The following RILPL2 variants were observed in gnomAD, a reference collection of about 807,000 sequenced individuals.
RILPL2 encodes Rab interacting lysosomal protein like 2.
In RILPL2, 19 loss-of-function variants were observed where a neutral mutation model predicts 22.2. The observed-to-expected ratio is 0.86, with a 90% CI of 0.60 to 1.25. The LOEUF is 1.25. Ranked by LOEUF, RILPL2 falls within the 50% of genes most tolerant of loss-of-function variation. The probability of loss-of-function intolerance (pLI) is 0.00; values close to 1 mark genes in which losing one functional copy is unlikely to be tolerated. For missense variants in RILPL2, 243 were observed against 263.6 expected (o/e 0.92, Z 0.54); for synonymous variants, 123 against 111.6 (o/e 1.10, Z -0.64).
chr12:123,432,873 C>G (rs1361291696), intron 1 of RILPL2, among the ~76,000 whole-genome samples: 1 of 152,130 alleles, frequency 6.6e-6, no homozygotes. Flanking sequence ...TGTCACTTGA[C>G]AGACACTAAA....
Position 123,430,071 on chromosome 12 carries a change from G to T in RILPL2, c.491+437C>A, listed in dbSNP as rs185020298. On this transcript the variant is annotated intron_variant, in intron 2 of 3. Coordinates refer to ENST00000280571, the MANE Select transcript of RILPL2 (RefSeq NM_145058.3). Reference sequence around the variant, plus strand: ...ACAGAGGTTGCAGTGAGCCAAGATCGCACCACTGGGCGACAGGGTGAGACC... The same window carrying T: ...ACAGAGGTTGCAGTGAGCCAAGATCTCACCACTGGGCGACAGGGTGAGACC... 1.9e-3 allele frequency among the ~76,000 whole-genome samples: 222 copies of T among 116,692 alleles called. 1 individual carries two copies. The highest frequency in any genetic ancestry group is 7.1e-3 in the African/African-American group (214 of 30,212). 76.6% of individuals were successfully genotyped at this position (116,692 alleles called of 152,430 possible).
chr12:123,413,584 G>A (rs1211072578), downstream of RILPL2: 3 of 152,242 alleles, frequency 2.0e-5, no homozygotes, highest in African/African-American at 4.8e-5. Context: ...TGGACCCAAA[G>A]AGTAAGCAGT....
chr12:123,409,814 C>T, the RILPL2 span, among the ~76,000 whole-genome samples: 2 of 147,042 alleles, frequency 1.4e-5, no homozygotes, highest in African/African-American at 5.1e-5. Flanking sequence ...GCAACCTCTA[C>T]CTCCCAGGTT....
chr12:123,421,057 T>G (rs1455788059), intron 3 of RILPL2, among the ~76,000 whole-genome samples: 1 of 151,846 alleles, frequency 6.6e-6, no homozygotes, highest in Non-Finnish European at 1.5e-5. Context: ...TTTTTTTTTT[T>G]TTTGAGACAG....
intron 1 of RILPL2, 100 bp downstream of exon 1, chr12:123,435,982 A>G: frequency 7.0e-7 from 1 of 1,435,050 alleles, no homozygotes; most frequent in Non-Finnish European, 9.2e-7. Flanking sequence ...AAAAAAGAGA[A>G]AAGAGAAGAG....
chr12:123,423,753 C>A (rs1403342557), intron 2 of RILPL2, among the ~76,000 whole-genome samples: 7 of 151,586 alleles, frequency 4.6e-5, no homozygotes, highest in Non-Finnish European at 8.8e-5. Flanking sequence ...TCCCAGGTTC[C>A]CGCCATTCTC....
chr12:123,433,477 C>T (rs1039734448), intron 1 of RILPL2, among the ~76,000 whole-genome samples: 6 of 147,290 alleles, frequency 4.1e-5, no homozygotes, highest in African/African-American at 1.0e-4. Context: ...TGCAGTGGCA[C>T]GATCTTGGCT....
chr12:123,432,292 G>A (rs887143728), intron 1 of RILPL2, among the ~76,000 whole-genome samples: 9 of 152,180 alleles, frequency 5.9e-5, no homozygotes, highest in African/African-American at 2.2e-4. Context: ...GATCGTTTGA[G>A]CCCAGGAGTT....
intron 2 of RILPL2, among the ~76,000 whole-genome samples, chr12:123,428,615 A>G (rs996964873): frequency 6.6e-6 from 1 of 152,172 alleles, no homozygotes; most frequent in Non-Finnish European, 1.5e-5. Context: ...ATTTTTGATC[A>G]GGGTATGTCC....
rs1879809332 is a variant in RILPL2, at chr12:123,436,497, A to G, written c.-77T>C. On this transcript the variant is annotated 5_prime_UTR_variant, in exon 1 of 4. Coordinates refer to ENST00000280571, the MANE Select transcript of RILPL2 (RefSeq NM_145058.3). This position sits in a 1 kb window ranked among gnomAD's most constrained non-coding sequence, Gnocchi z 6.7. ...AGGTTAGACTTCCTCCCGGCACCCAAAACTTTCCGCTGGGCAGAGTCCCTA... is the reference window on the plus strand; with the variant it reads ...AGGTTAGACTTCCTCCCGGCACCCAGAACTTTCCGCTGGGCAGAGTCCCTA... 1.3e-6 allele frequency: 2 copies of G among 1,491,956 alleles called. No individual in the cohort carries two copies. Among genetic ancestry groups the G allele is most frequent in the East Asian group, 2.5e-5 (1 of 40,470 alleles). The allele number at this position is 1,491,956 out of a possible 1,614,324, so 92.4% of individuals were successfully genotyped here.
intron 3 of RILPL2, among the ~76,000 whole-genome samples, chr12:123,420,314 T>C (rs1879244361): frequency 6.6e-6 from 1 of 152,022 alleles, no homozygotes; most frequent in South Asian, 2.1e-4. Context: ...CCTGAGCCAC[T>C]GCGCCTGGCA....
At chr12:123,434,580 C>T (rs148103559) in intron 1 of RILPL2, among the ~76,000 whole-genome samples, 34 of 152,044 alleles carry the variant, frequency 2.2e-4, no homozygotes, top group African/African-American at 6.7e-4. Flanking sequence ...CCCGCCACCA[C>T]GCCCGGCTAA....
chr12:123,414,175 TGGA>T (rs1566088306), downstream of RILPL2: 1 of 151,114 alleles, frequency 6.6e-6, no homozygotes, highest in South Asian at 2.1e-4. Context: ...GTGGGGCTCG[TGGA>T]GGAGGCTTGG....
intron 1 of RILPL2, among the ~76,000 whole-genome samples, chr12:123,434,492 C>T (rs1047162392): frequency 4.5e-4 from 68 of 151,690 alleles, no homozygotes; most frequent in African/African-American, 1.1e-3. Context: ...GGCGCGATCT[C>T]GGCTCACTGC....
At chr12:123,434,699 TACAGGCGTGAGTC>T (rs1366411883) in intron 1 of RILPL2, among the ~76,000 whole-genome samples, 1 of 151,620 alleles carries the variant, frequency 6.6e-6, no homozygotes, top group Non-Finnish European at 1.5e-5. Context: ...GTGCTGGGAT[TACAGGCGTGAGTC>T]ACAGCACCCA....
At position 123,415,765 on chromosome 12, in the gene RILPL2, T is replaced by C. The variant is rs1022194381; in HGVS notation, c.*126A>G. ...AACCTCGTCTCCTCCCTCCTCAGTC[T>C]GCTTTGAAGGGGAAATAAATACACA... On this transcript the variant is annotated 3_prime_UTR_variant, in exon 4 of 4. Coordinates refer to ENST00000280571, the MANE Select transcript of RILPL2 (RefSeq NM_145058.3). The C allele has an allele frequency of 2.1e-5, 20 of 931,638 alleles. No homozygotes were observed. The highest frequency in any genetic ancestry group is 1.3e-4 in the Admixed American group (7 of 55,502). 57.7% of individuals were successfully genotyped at this position (931,638 alleles called of 1,614,324 possible).
chr12:123,434,845 C>T (rs146114069), intron 1 of RILPL2, among the ~76,000 whole-genome samples: 12 of 151,914 alleles, frequency 7.9e-5, no homozygotes, highest in African/African-American at 2.7e-4. Context: ...CCTTCTATAA[C>T]TATAAATTAT....
chr12:123,436,605 G>A lies in RILPL2; in HGVS notation c.-185C>T, dbSNP rs1371651008. ...CACGCGACTCTTGGGCCTGCGCCCCGGCGCACCGTCCCCGCTGCCAGCCAC... is the reference window on the plus strand; with the variant it reads ...CACGCGACTCTTGGGCCTGCGCCCCAGCGCACCGTCCCCGCTGCCAGCCAC... On this transcript the variant is annotated 5_prime_UTR_variant, in exon 1 of 4. Coordinates refer to ENST00000280571, the MANE Select transcript of RILPL2 (RefSeq NM_145058.3). This position sits in a 1 kb window ranked among gnomAD's most constrained non-coding sequence, Gnocchi z 6.7. 1.3e-5 allele frequency: 13 copies of A among 973,892 alleles called. No individual in the cohort carries two copies. Among genetic ancestry groups the A allele is most frequent in the East Asian group, 2.7e-5 (1 of 37,672 alleles). The allele number at this position is 973,892 out of a possible 1,614,324, so 60.3% of individuals were successfully genotyped here.
At chr12:123,423,341 A>G (rs1430011665) in intron 2 of RILPL2, among the ~76,000 whole-genome samples, 184 bp from the exon 3 acceptor site, 1 of 151,082 alleles carries the variant, frequency 6.6e-6, no homozygotes, top group East Asian at 2.0e-4. Context: ...AGCTAGGACT[A>G]CAGGCGCCTG....
Sources: allele counts gnomAD v4.1 joint callset (sites outside exome capture counted in the v4.1 genomes callset), GRCh38; gene constraint gnomAD v4.1.1; non-coding constraint Gnocchi (gnomAD v3.1); transcripts MANE v1.5; gene names NCBI Gene and HGNC (gene_info 2026-07-23, HGNC 2026-07-21).